The following ASH1L variants were observed in gnomAD, a reference collection of about 807,000 sequenced individuals.
ASH1L encodes the protein ASH1 like histone lysine methyltransferase, also known as histone-lysine N-methyltransferase ASH1L.
Under a neutral mutation model 269.0 loss-of-function variants are expected in ASH1L, and 23 were observed. That is an observed-to-expected ratio of 0.09 (90% CI 0.06 to 0.12). The LOEUF (loss-of-function observed/expected upper bound fraction) is 0.12, where lower values mean the gene tolerates loss of function less well. ASH1L is among the 10% of genes least tolerant of loss of function. The pLI, the probability that ASH1L is intolerant of heterozygous loss-of-function variation, is 1.00. For missense variants in ASH1L, 2,912 were observed against 3,567.8 expected, an observed-to-expected ratio of 0.82 and a Z score of 4.68; for synonymous variants, 1,187 against 1,253.5, an observed-to-expected ratio of 0.95 and a Z score of 1.12.
At chr1:155,493,621 A>G (rs1384952540) in intron 2 of ASH1L, among the ~76,000 whole-genome samples, 1 of 152,208 alleles carries the variant, frequency 6.6e-6, no homozygotes, top group Non-Finnish European at 1.5e-5. Flanking sequence ...TAATCCCAAC[A>G]CTTTGGGAGG....
At chr1:155,551,923 C>T (rs1395224725) in intron 1 of ASH1L, among the ~76,000 whole-genome samples, 1 of 151,672 alleles carries the variant, frequency 6.6e-6, no homozygotes, top group Non-Finnish European at 1.5e-5. Context: ...TTGCAGTGAG[C>T]CGAGATCATG....
intron 15 of ASH1L, among the ~76,000 whole-genome samples, chr1:155,356,032 G>A (rs1016192267): frequency 6.6e-5 from 10 of 151,688 alleles, no homozygotes; most frequent in Admixed American, 6.6e-4. Flanking sequence ...CCACCTCCTG[G>A]GTTCAAGCAA....
intron 3 of ASH1L, among the ~76,000 whole-genome samples, chr1:155,473,421 T>C (rs1276963952): frequency 6.6e-6 from 1 of 152,194 alleles, no homozygotes; most frequent in Non-Finnish European, 1.5e-5. Context: ...CTTCAACCCT[T>C]CTTTATATCC....
In ASH1L at chr1:155,354,557, T is replaced by C. The variant is rs1654202268; in HGVS notation, c.7129A>G (p.Lys2377Glu). ...GAGTGAATATTATCACTGGTGTGCTTTACTTCCTCCTGTTTTTGACGAATC... is the reference window on the plus strand; with the variant it reads ...GAGTGAATATTATCACTGGTGTGCTCTACTTCCTCCTGTTTTTGACGAATC... The part of the protein sequence containing the change: ...EKIRQKQEEV[K>E]HTSDNIHSAS... Residue 2377 changes from lysine (K) to glutamate (E), a missense_variant, in exon 16 of 28, where the codon AAG (lysine) becomes GAG (glutamate). Physicochemically the swap from Lys to Glu is moderately conservative, Grantham distance 56 (BLOSUM62 1). This residue lies in a region of ASH1L where 309 missense variants were observed against 435.1 expected (regional missense o/e 0.71). Transcript: ENST00000392403. 6.2e-7 allele frequency: 1 copy of C among 1,614,072 alleles called. No individual in the cohort carries two copies. The highest frequency in any genetic ancestry group is 1.6e-4 in the Middle Eastern group (1 of 6,062).
intron 2 of ASH1L, among the ~76,000 whole-genome samples, chr1:155,493,308 T>C (rs984711058): frequency 1.4e-4 from 21 of 152,234 alleles, no homozygotes; most frequent in African/African-American, 4.6e-4. Flanking sequence ...TATCTTAATG[T>C]AGAAAAACAT....
intron 6 of ASH1L, among the ~76,000 whole-genome samples, chr1:155,411,586 AATATATATATATATATAT>A (rs368800129): frequency 2.7e-4 from 15 of 55,194 alleles, no homozygotes; most frequent in East Asian, 1.4e-3. Context: ...TAAATAAATA[AATATATATATATATATAT>A]ATATATATAT....
chr1:155,440,861 A>AG (rs1438650449), intron 4 of ASH1L, among the ~76,000 whole-genome samples: 1 of 152,102 alleles, frequency 6.6e-6, no homozygotes, highest in South Asian at 2.1e-4. Context: ...CCTTCAAACT[A>AG]GCTCCTCCAT....
chr1:155,362,584 TA>T (rs955195950), intron 12 of ASH1L, among the ~76,000 whole-genome samples: 1 of 152,104 alleles, frequency 6.6e-6, no homozygotes, highest in Admixed American at 6.6e-5. Context: ...TGCCCAAAGT[TA>T]CACAGCTGAT....
intron 5 of ASH1L, among the ~76,000 whole-genome samples, chr1:155,437,596 C>T (rs147984430): frequency 6.6e-6 from 1 of 152,298 alleles, no homozygotes; most frequent in African/African-American, 2.4e-5. Context: ...AGCAATTCCA[C>T]TTCTGAGAAT....
intron 6 of ASH1L, among the ~76,000 whole-genome samples, chr1:155,402,440 T>C (rs1023730067): frequency 1.3e-5 from 2 of 152,206 alleles, no homozygotes; most frequent in Non-Finnish European, 2.9e-5. Flanking sequence ...ATATAAACTT[T>C]ATGCTAAAAA....
intron 6 of ASH1L, among the ~76,000 whole-genome samples, chr1:155,404,793 G>T (rs762815789): frequency 9.9e-5 from 15 of 152,140 alleles, no homozygotes; most frequent in Non-Finnish European, 2.1e-4. Context: ...ACTTTGGGAG[G>T]CTGAGGCAGG....
chr1:155,448,644 G>A lies in ASH1L; in HGVS notation c.5087-9576C>T, dbSNP rs1487676253. On this transcript the variant is annotated intron_variant, in intron 4 of 27. Coordinates refer to ENST00000392403, the MANE Select transcript of ASH1L (RefSeq NM_018489.3). Reference sequence around the variant, plus strand: ...TAAGTAGCTGGGATTACAGGTGCGCGTGACCACGCCCAGCTAATTTTTGTA... The same window carrying A: ...TAAGTAGCTGGGATTACAGGTGCGCATGACCACGCCCAGCTAATTTTTGTA... 3.3e-5 allele frequency among the ~76,000 whole-genome samples: 5 copies of A among 152,078 alleles called. No homozygotes were observed. The East Asian group carries it at 5.8e-4, about 18-fold the overall frequency.
intron 5 of ASH1L, among the ~76,000 whole-genome samples, chr1:155,418,944 G>T (rs1660444758): frequency 6.6e-6 from 1 of 152,080 alleles, no homozygotes; most frequent in Admixed American, 6.6e-5. Context: ...GGTGGTGGGT[G>T]CCTGTAGTCC....
chr1:155,406,310 A>G (rs971271677), intron 6 of ASH1L, among the ~76,000 whole-genome samples: 5 of 152,314 alleles, frequency 3.3e-5, no homozygotes, highest in Middle Eastern at 3.4e-3. Flanking sequence ...ATCCTAAAAA[A>G]TCACAGAGAA....
intron 1 of ASH1L, among the ~76,000 whole-genome samples, chr1:155,542,181 A>G (rs1055280514): frequency 2.0e-5 from 3 of 152,220 alleles, no homozygotes; most frequent in Non-Finnish European, 4.4e-5. Context: ...CACTGATCTC[A>G]ATCTTTAGGG....
At chr1:155,382,773 T>A (rs1490416877) in intron 7 of ASH1L, among the ~76,000 whole-genome samples, 3 of 152,042 alleles carry the variant, frequency 2.0e-5, no homozygotes, top group Admixed American at 2.0e-4. Context: ...TCACCCAGCC[T>A]GGAGTACAAT....
chr1:155,393,934 GAA>G (rs1297026677), intron 7 of ASH1L, among the ~76,000 whole-genome samples: 1 of 152,112 alleles, frequency 6.6e-6, no homozygotes, highest in Non-Finnish European at 1.5e-5. Context: ...GGGAGAGTAA[GAA>G]AGACAATGAT....
intron 3 of ASH1L, among the ~76,000 whole-genome samples, chr1:155,469,731 A>G (rs1366733119): frequency 1.3e-5 from 2 of 152,158 alleles, no homozygotes; most frequent in African/African-American, 2.4e-5. Context: ...CTTGGCTCAG[A>G]GCCTCATAAT....
intron 5 of ASH1L, chr1:155,433,720 C>A: frequency 6.2e-7 from 1 of 1,600,718 alleles, no homozygotes. Flanking sequence ...AGGTGTTCAG[C>A]CAAACGACCA....
Sources: gnomAD v4.1 joint callset for allele counts (sites outside exome capture counted in the v4.1 genomes callset) on GRCh38, gnomAD v4.1.1 for gene constraint, gnomAD v4.1.1 regional missense constraint, MANE v1.5 for transcripts, NCBI Gene and HGNC (gene_info 2026-07-23, HGNC 2026-07-21) for gene names.